The following SAV1 variants were observed in gnomAD, a reference collection of about 807,000 sequenced individuals.
SAV1 encodes protein salvador homolog 1.
SAV1 carries 23 observed loss-of-function variants against 47.3 expected under a neutral mutation model. The ratio of observed to expected loss-of-function variants is 0.49; its 90% CI spans 0.35 to 0.69. The LOEUF is 0.69. Among genes scored for constraint, SAV1 ranks in the 30% least tolerant of loss-of-function variants. The pLI is 0.01. For synonymous variants in SAV1, 155 were observed against 159.2 expected, an observed-to-expected ratio of 0.97 and a Z score of 0.20; for missense variants, 448 against 457.4, an observed-to-expected ratio of 0.98 and a Z score of 0.19.
intron 2 of SAV1, among the ~76,000 whole-genome samples, chr14:50,659,915 A>AGGGGG (rs1388315005): frequency 6.6e-6 from 1 of 152,224 alleles, no homozygotes; most frequent in Non-Finnish European, 1.5e-5. Flanking sequence ...GATAGTTTCC[A>AGGGGG]GAATTTGGAC....
intron 4 of SAV1, among the ~76,000 whole-genome samples, chr14:50,635,853 G>A (rs1377580599): frequency 2.0e-5 from 3 of 152,096 alleles, no homozygotes; most frequent in Non-Finnish European, 2.9e-5. Context: ...GGGATTACAG[G>A]CATGCGCCAC....
At chr14:50,657,180 A>G (rs2039820212) in intron 2 of SAV1, among the ~76,000 whole-genome samples, 1 of 152,052 alleles carries the variant, frequency 6.6e-6, no homozygotes, top group Non-Finnish European at 1.5e-5. Context: ...GATTACAGGC[A>G]CACACCACCA....
chr14:50,659,113 A>AG (rs2140262333), intron 2 of SAV1, among the ~76,000 whole-genome samples: 1 of 126,770 alleles, frequency 7.9e-6, no homozygotes, highest in East Asian at 2.1e-4. Context: ...GAGATACCTT[A>AG]TTACCTGAGA....
intron 3 of SAV1, among the ~76,000 whole-genome samples, chr14:50,642,780 T>C (rs1307230325): frequency 1.3e-5 from 2 of 152,234 alleles, no homozygotes; most frequent in African/African-American, 2.4e-5. Flanking sequence ...AAGATCAATA[T>C]GCAAATGGAA....
chr14:50,649,740 A>G (rs565285440), intron 2 of SAV1, among the ~76,000 whole-genome samples: 2 of 152,346 alleles, frequency 1.3e-5, no homozygotes, highest in African/African-American at 4.8e-5. Flanking sequence ...TTTAACATAA[A>G]TTTGAATCCC....
chr14:50,644,643 T>C (rs865779715), intron 3 of SAV1, 101 bp downstream of exon 3: 7 of 1,149,472 alleles, frequency 6.1e-6, no homozygotes, highest in Non-Finnish European at 7.2e-6. Flanking sequence ...CTTTCAAATC[T>C]CAAGCTTTAG....
chr14:50,645,713 G>T (rs867179654), intron 2 of SAV1, among the ~76,000 whole-genome samples: 31 of 151,776 alleles, frequency 2.0e-4, no homozygotes, highest in South Asian at 4.1e-4. Flanking sequence ...CCTGATTAAA[G>T]ATTTGACATT....
In SAV1 at chr14:50,667,633, CTG is replaced by C. The variant is rs1269645509; in HGVS notation, c.94+239_94+240del. On this transcript the variant is annotated intron_variant, in intron 1 of 4. Coordinates refer to ENST00000324679, the MANE Select transcript of SAV1 (RefSeq NM_021818.4). ...ACTCTGCCTGGTGGGGCGAGGAAGT[CTG>C]TTATTTTTAGGGGGTGCTCTTGGGG... The C allele has an allele frequency of 3.5e-5, 15 of 425,486 alleles. No homozygotes were observed. In the South Asian group the frequency reaches 3.9e-4, roughly 11 times the overall value. 26.4% of individuals were successfully genotyped at this position (425,486 alleles called of 1,614,324 possible).
chr14:50,656,430 C>T (rs963036653), intron 2 of SAV1, among the ~76,000 whole-genome samples: 14 of 146,502 alleles, frequency 9.6e-5, no homozygotes, highest in African/African-American at 3.5e-4. Context: ...TCAAAACATA[C>T]CCCAACTGTA....
intron 2 of SAV1, among the ~76,000 whole-genome samples, chr14:50,650,752 T>C (rs1001336618): frequency 6.6e-6 from 1 of 152,200 alleles, no homozygotes; most frequent in Non-Finnish European, 1.5e-5. Context: ...CCGGGCGCAG[T>C]GGCTCACACC....
rs925792933 is a variant in SAV1 at position 50,656,688 on chromosome 14, C to A, written c.535+8491G>T. ...CGATCTCCTGACCTCATGATCCGCC[C>A]GTCTCAGCCTCCCAAAGTGCTGGGA... On this transcript the variant is annotated intron_variant, in intron 2 of 4. Transcript: ENST00000324679. 3.9e-5 allele frequency among the ~76,000 whole-genome samples: 6 copies of A among 152,198 alleles called. No individual in the cohort carries two copies. In the East Asian group the frequency reaches 7.7e-4, roughly 20 times the overall value.
chr14:50,655,048 GTGAAAC>G (rs1479034126), intron 2 of SAV1, among the ~76,000 whole-genome samples: 1 of 152,156 alleles, frequency 6.6e-6, no homozygotes, highest in Non-Finnish European at 1.5e-5. Flanking sequence ...AAGCCTTTTG[GTGAAAC>G]TGACCTTAGG....
intron 2 of SAV1, among the ~76,000 whole-genome samples, chr14:50,656,981 A>G (rs986670531): frequency 6.6e-6 from 1 of 152,014 alleles, no homozygotes; most frequent in African/African-American, 2.4e-5. Flanking sequence ...TCAATAACTA[A>G]CATCCCAAGT....
intron 2 of SAV1, among the ~76,000 whole-genome samples, chr14:50,658,288 C>G (rs770154332): frequency 6.6e-6 from 1 of 152,076 alleles, no homozygotes; most frequent in Non-Finnish European, 1.5e-5. Flanking sequence ...CATCTTTAAA[C>G]GTTTAAAAAT....
chr14:50,636,069 A>G (rs2039632350), intron 4 of SAV1, among the ~76,000 whole-genome samples: 1 of 152,232 alleles, frequency 6.6e-6, no homozygotes, highest in African/African-American at 2.4e-5. Flanking sequence ...AATTTAAGTT[A>G]AAGAATACCT....
At chr14:50,654,948 G>A (rs2140259007) in intron 2 of SAV1, among the ~76,000 whole-genome samples, 1 of 152,264 alleles carries the variant, frequency 6.6e-6, no homozygotes, top group Middle Eastern at 3.4e-3. Context: ...ACAGATGCAA[G>A]AACAAGTAGA....
Position 50,634,330 on chromosome 14 carries a change from CTTATTTTGTTT to C in SAV1, c.*842_*852del. The C allele has an allele frequency of 3.6e-6, 1 of 274,022 alleles. No homozygotes were observed. The highest frequency in any genetic ancestry group is 7.5e-6 in the Non-Finnish European group (1 of 132,992). The allele number at this position is 274,022 out of a possible 1,614,324, so 17.0% of individuals were successfully genotyped here. On this transcript the variant is annotated 3_prime_UTR_variant, in exon 5 of 5. Coordinates refer to ENST00000324679, the MANE Select transcript of SAV1 (RefSeq NM_021818.4). ...TTCTCAACATGCTTTAAAAGGATTC[CTTATTTTGTTT>C]TTATTTTTTTATTTTTTATTTTTTG...
At chr14:50,649,160 C>A (rs531038409) in intron 2 of SAV1, among the ~76,000 whole-genome samples, 1 of 152,356 alleles carries the variant, frequency 6.6e-6, no homozygotes, top group South Asian at 2.1e-4. Context: ...GGCTCACTCT[C>A]ACCCTCTTCA....
At chr14:50,662,732 A>T (rs1044798686) in intron 2 of SAV1, 2 of 152,236 alleles carry the variant, frequency 1.3e-5, no homozygotes, top group Non-Finnish European at 2.9e-5. Flanking sequence ...CTCAGGTAGA[A>T]AAGTATTACA....
Sources: gnomAD v4.1 joint callset for allele counts (sites outside exome capture counted in the v4.1 genomes callset) on GRCh38, gnomAD v4.1.1 for gene constraint, MANE v1.5 for transcripts, NCBI Gene and HGNC (gene_info 2026-07-23, HGNC 2026-07-21) for gene names.